The following AKAP13 variants were observed in gnomAD, a reference collection of about 807,000 sequenced individuals.
AKAP13 encodes the protein A-kinase anchor protein 13.
A neutral mutation model predicts 264.5 loss-of-function variants in AKAP13; 80 were observed. The ratio of observed to expected loss-of-function variants is 0.30; its 90% CI spans 0.25 to 0.36. AKAP13 has a LOEUF of 0.36. Ranked by LOEUF, AKAP13 falls within the 10% of genes least tolerant of loss-of-function variation. The pLI is 1.00. For synonymous variants in AKAP13, 1,380 were observed against 1,250.2 expected, an observed-to-expected ratio of 1.10 and a Z score of -2.19; for missense variants, 3,712 against 3,435.2, an observed-to-expected ratio of 1.08 and a Z score of -2.01.
chr15:85,702,438 G>A (rs2085984559), intron 17 of AKAP13: 1 of 152,116 alleles, frequency 6.6e-6, no homozygotes. Context: ...AGTAATTTGG[G>A]GACGCAGAAT....
chr15:85,478,209 T>C (rs1018401190), intron 1 of AKAP13, among the ~76,000 whole-genome samples: 6 of 152,202 alleles, frequency 3.9e-5, no homozygotes, highest in South Asian at 4.1e-4. Flanking sequence ...ACTTAGTACA[T>C]GTAATATTTT....
intron 5 of AKAP13, among the ~76,000 whole-genome samples, chr15:85,568,905 G>A (rs1380299239): frequency 6.6e-6 from 1 of 152,140 alleles, no homozygotes; most frequent in African/African-American, 2.4e-5. Flanking sequence ...AGGCCCTAGG[G>A]TAATTGCCCC....
At chr15:85,493,458 A>C (rs1425317415) in intron 2 of AKAP13, among the ~76,000 whole-genome samples, 1 of 152,180 alleles carries the variant, frequency 6.6e-6, no homozygotes, top group Non-Finnish European at 1.5e-5. Context: ...AATGAAGGTG[A>C]TAACCTTGTC....
intron 1 of AKAP13, among the ~76,000 whole-genome samples, chr15:85,442,529 T>G (rs1261821891): frequency 8.0e-6 from 1 of 124,768 alleles, no homozygotes; most frequent in Non-Finnish European, 1.6e-5. Flanking sequence ...TTATATTATA[T>G]ATAATATATA....
chr15:85,525,938 A>T (rs1236501154), intron 3 of AKAP13, among the ~76,000 whole-genome samples: 1 of 152,202 alleles, frequency 6.6e-6, no homozygotes, highest in African/African-American at 2.4e-5. Context: ...TATTTTTGTA[A>T]AAGGCTTTGG....
chr15:85,605,768 A>G lies in AKAP13; in HGVS notation c.4161+19945A>G, dbSNP rs141560766. Among the ~76,000 whole-genome samples the G allele has an allele frequency of 6.3e-3, 966 of 152,328 alleles. 11 individuals carry two copies. The highest frequency in any genetic ancestry group is 0.022 in the African/African-American group (905 of 41,584). On this transcript the variant is annotated intron_variant, in intron 8 of 36. Transcript: ENST00000394518. ...GGAACCCACCCAAACTTCCATTTAT[A>G]TTTTAAAAAAGCATTCAGTCTTCAA...
chr15:85,547,616 G>A (rs1234311818), intron 5 of AKAP13, among the ~76,000 whole-genome samples: 1 of 152,086 alleles, frequency 6.6e-6, no homozygotes, highest in African/African-American at 2.4e-5. Flanking sequence ...GTTAGGGAAG[G>A]CAGAGCTTTT....
intron 8 of AKAP13, among the ~76,000 whole-genome samples, chr15:85,624,122 A>C (rs967010064): frequency 2.6e-5 from 4 of 152,232 alleles, no homozygotes; most frequent in African/African-American, 7.2e-5. Context: ...GCTGATTTGC[A>C]CTGCTTTTAG....
At chr15:85,442,409 C>CA (rs756585021) in intron 1 of AKAP13, among the ~76,000 whole-genome samples, 1,969 of 52,722 alleles carry the variant, frequency 0.037, 65 homozygotes, top group Non-Finnish European at 0.065. Context: ...GATTCTGTCT[C>CA]AAAAAAAAAA....
intron 2 of AKAP13, among the ~76,000 whole-genome samples, chr15:85,508,486 C>G (rs1006928545): frequency 1.3e-5 from 2 of 151,752 alleles, no homozygotes; most frequent in Non-Finnish European, 2.9e-5. Flanking sequence ...GTGGGGAATT[C>G]CAGCCCTCTG....
At chr15:85,541,666 A>C (rs187692612) in intron 4 of AKAP13, among the ~76,000 whole-genome samples, 3 of 152,220 alleles carry the variant, frequency 2.0e-5, no homozygotes, top group African/African-American at 7.2e-5. Context: ...GCAAGCTATT[A>C]ATTCTATGAA....
chr15:85,394,631 C>T (rs2071027447), intron 1 of AKAP13, among the ~76,000 whole-genome samples: 2 of 152,194 alleles, frequency 1.3e-5, no homozygotes, highest in Admixed American at 6.5e-5. Flanking sequence ...CCTCTCCTCC[C>T]ACCCCCTGGT....
chr15:85,529,420 C>T (rs761529050), intron 3 of AKAP13, among the ~76,000 whole-genome samples: 2 of 151,972 alleles, frequency 1.3e-5, no homozygotes, highest in Admixed American at 6.6e-5. Context: ...GACTCCGTCT[C>T]AAAATAAATA....
At chr15:85,445,657 G>A (rs2073872462) in intron 1 of AKAP13, among the ~76,000 whole-genome samples, 2 of 151,982 alleles carry the variant, frequency 1.3e-5, no homozygotes, top group South Asian at 4.1e-4. Context: ...TACAAACTTG[G>A]AGAGAAAGAT....
intron 12 of AKAP13, among the ~76,000 whole-genome samples, chr15:85,661,957 C>A (rs1472953003): frequency 6.7e-6 from 1 of 150,210 alleles, no homozygotes; most frequent in Non-Finnish European, 1.5e-5. Flanking sequence ...CACAGTTTGT[C>A]ACTGTCTCTT....
intron 1 of AKAP13, among the ~76,000 whole-genome samples, chr15:85,447,231 C>T (rs1386418432): frequency 6.6e-6 from 1 of 152,080 alleles, no homozygotes; most frequent in Non-Finnish European, 1.5e-5. Context: ...TGCACCAGTG[C>T]ATTCCAGCCT....
intron 4 of AKAP13, among the ~76,000 whole-genome samples, chr15:85,538,776 A>G (rs920818219): frequency 2.1e-5 from 3 of 144,418 alleles, no homozygotes; most frequent in African/African-American, 7.7e-5. Flanking sequence ...GGCTTGAGCC[A>G]CCGCGCCCGG....
At chr15:85,532,231 A>C (rs6496066) in intron 3 of AKAP13, among the ~76,000 whole-genome samples, 79,289 of 152,098 alleles carry the variant, frequency 0.52, 21,118 homozygotes, top group Middle Eastern at 0.62. Context: ...ATGAGGGCTT[A>C]AGGAGGCCCT....
intron 2 of AKAP13, among the ~76,000 whole-genome samples, chr15:85,495,362 AC>A (rs1237254758): frequency 2.6e-5 from 4 of 152,176 alleles, no homozygotes; most frequent in African/African-American, 9.7e-5. Flanking sequence ...GGCTGGCTCT[AC>A]AGAACACTGA....
Sources: gnomAD v4.1 joint callset for allele counts (sites outside exome capture counted in the v4.1 genomes callset) on GRCh38, gnomAD v4.1.1 for gene constraint, MANE v1.5 for transcripts, NCBI Gene and HGNC (gene_info 2026-07-23, HGNC 2026-07-21) for gene names.